KIFAP3: variants seen among roughly 807,000 people sequenced by gnomAD.
The protein encoded by KIFAP3 is kinesin-associated protein 3.
Under a neutral mutation model 106.5 loss-of-function variants are expected in KIFAP3, and 68 were observed. The ratio of observed to expected loss-of-function variants is 0.64; its 90% CI spans 0.53 to 0.78. The LOEUF is 0.78. KIFAP3 is among the 30% of genes least tolerant of loss of function. The pLI, the probability that KIFAP3 is intolerant of heterozygous loss-of-function variation, is 0.00. For missense variants in KIFAP3, 780 were observed against 941.8 expected, an observed-to-expected ratio of 0.83 and a Z score of 2.25; for synonymous variants, 320 against 311.5, an observed-to-expected ratio of 1.03 and a Z score of -0.29.
chr1:170,062,876 T>C (rs749702316), intron 1 of KIFAP3, among the ~76,000 whole-genome samples: 1 of 151,174 alleles, frequency 6.6e-6, no homozygotes, highest in Non-Finnish European at 1.5e-5. Flanking sequence ...CATTTATTTA[T>C]AGTCTTTTTT....
intron 2 of KIFAP3, among the ~76,000 whole-genome samples, chr1:170,052,672 G>T (rs1201741935): frequency 6.6e-6 from 1 of 152,290 alleles, no homozygotes. Context: ...TCCCTGGGAC[G>T]CAAGGCTGGT....
chr1:169,926,962 G>A (rs1663172745), intron 19 of KIFAP3, among the ~76,000 whole-genome samples: 1 of 152,086 alleles, frequency 6.6e-6, no homozygotes, highest in Admixed American at 6.5e-5. Flanking sequence ...TTATAAAACT[G>A]TATGAAATTA....
At chr1:169,955,795 TGTCA>T (rs1008788195) in intron 18 of KIFAP3, among the ~76,000 whole-genome samples, 1 of 152,160 alleles carries the variant, frequency 6.6e-6, no homozygotes, top group Non-Finnish European at 1.5e-5. Flanking sequence ...CTACAGAAAG[TGTCA>T]GTAATATTTA....
chr1:169,977,220 TA>T (rs1418867490), intron 16 of KIFAP3, among the ~76,000 whole-genome samples: 4 of 152,174 alleles, frequency 2.6e-5, no homozygotes, highest in African/African-American at 9.7e-5. Flanking sequence ...AGTTAGCAGA[TA>T]TCAAAATTTT....
chr1:170,071,642 C>T (rs1282698977), intron 1 of KIFAP3, among the ~76,000 whole-genome samples: 1 of 152,098 alleles, frequency 6.6e-6, no homozygotes, highest in East Asian at 1.9e-4. Context: ...CTAATCCATT[C>T]CCAAGAGAGC....
chr1:170,065,341 C>T (rs1052419599), intron 1 of KIFAP3, among the ~76,000 whole-genome samples: 83 of 152,078 alleles, frequency 5.5e-4, no homozygotes, highest in African/African-American at 1.9e-3. Context: ...TGGCCGGGCG[C>T]AGTGGCTCAC....
upstream of KIFAP3, among the ~76,000 whole-genome samples, chr1:170,076,109 T>C (rs569598971): frequency 1.7e-3 from 266 of 152,324 alleles, 2 homozygotes; most frequent in Non-Finnish European, 3.2e-3. Context: ...GTTAGCTCCT[T>C]GAGCTCAGAG....
At chr1:169,934,833 T>C (rs1396824547) in intron 19 of KIFAP3, among the ~76,000 whole-genome samples, 1 of 152,146 alleles carries the variant, frequency 6.6e-6, no homozygotes, top group Non-Finnish European at 1.5e-5. Flanking sequence ...CAATTTAAAA[T>C]AACTATGGTA....
rs1184403910 is a variant in KIFAP3 at position 169,982,851 on chromosome 1, A to C, written c.1523T>G (p.Leu508Arg). ...TTCATCATTAGAGATCTGGGCTGCA[A>C]GGTCCCCAACATAATCCTGAATAAA... is the stretch of plus-strand genomic sequence containing the variant. ...KNLFIDYVGD[L>R]AAQISNDEEE... is the part of the protein sequence containing the mutation. The change falls in exon 14 of 20, where the codon CTT becomes CGT. Residue 508 changes from leucine to arginine, a missense_variant. Around this residue, in one of 3 missense-constraint regions of KIFAP3, gnomAD observed 588 missense variants for 678.9 expected, o/e 0.87. Transcript: ENST00000361580. 6.3e-7 allele frequency: 1 copy of C among 1,585,686 alleles called. No individual in the cohort carries two copies. Among genetic ancestry groups the C allele is most frequent in the South Asian group, 1.1e-5 (1 of 87,010 alleles).
intron 10 of KIFAP3, among the ~76,000 whole-genome samples, chr1:170,008,914 T>C (rs1668104602): frequency 6.6e-6 from 1 of 152,116 alleles, no homozygotes; most frequent in Admixed American, 6.5e-5. Context: ...GTGGTGCATA[T>C]ACAACATGGA....
intron 19 of KIFAP3, among the ~76,000 whole-genome samples, chr1:169,945,288 C>A (rs1457672959): frequency 6.6e-6 from 1 of 152,182 alleles, no homozygotes; most frequent in African/African-American, 2.4e-5. Context: ...TGGAAGCAGG[C>A]ACTTCCGAAC....
chr1:170,069,420 A>G (rs753215411), intron 1 of KIFAP3, among the ~76,000 whole-genome samples: 7 of 152,126 alleles, frequency 4.6e-5, no homozygotes, highest in Non-Finnish European at 8.8e-5. Context: ...AAACCTTTAG[A>G]CCAATACCCT....
chr1:169,967,790 A>T (rs993845890), intron 17 of KIFAP3, among the ~76,000 whole-genome samples: 6 of 151,840 alleles, frequency 4.0e-5, no homozygotes, highest in African/African-American at 1.4e-4. Flanking sequence ...GCAATTCTTA[A>T]ATGAAAACCC....
At chr1:169,921,863 C>G in intron 19 of KIFAP3, 82 bp from the exon 20 acceptor site, 1 of 987,822 alleles carries the variant, frequency 1.0e-6, no homozygotes, top group East Asian at 2.6e-5. Context: ...CATTTTTATA[C>G]CACCAAGATT....
intron 16 of KIFAP3, among the ~76,000 whole-genome samples, chr1:169,974,259 A>C (rs955364601): frequency 6.6e-6 from 1 of 151,982 alleles, no homozygotes; most frequent in African/African-American, 2.4e-5. Flanking sequence ...ACCTTGCATC[A>C]ATACTATTAA....
intron 8 of KIFAP3, among the ~76,000 whole-genome samples, chr1:170,029,389 T>C (rs1401805089): frequency 2.6e-5 from 4 of 151,816 alleles, no homozygotes; most frequent in African/African-American, 9.7e-5. Flanking sequence ...AAAAAATAAC[T>C]CCCTTCTAAA....
At chr1:170,009,767 G>T (rs1417659876) in intron 10 of KIFAP3, among the ~76,000 whole-genome samples, 1 of 152,228 alleles carries the variant, frequency 6.6e-6, no homozygotes, top group Non-Finnish European at 1.5e-5. Context: ...ACCCAGGATA[G>T]TCTGACGTAA....
At position 169,961,248 on chromosome 1, in the gene KIFAP3, AAC is replaced by A; in HGVS notation, c.1984-15_1984-14del. On this transcript the variant is annotated splice_polypyrimidine_tract_variant and intron_variant, in intron 17 of 19. Transcript: ENST00000361580. ...CTTCATCATATTCCTATTGAAAACA[AAC>A]AGTCAACTGTTATTATATAAGCTAA... The A allele has an allele frequency of 1.3e-6, 2 of 1,599,968 alleles. No individual in the cohort carries two copies. Among genetic ancestry groups the A allele is most frequent in the Non-Finnish European group, 1.7e-6 (2 of 1,172,108 alleles).
At chr1:169,998,810 C>T (rs560096533) in intron 10 of KIFAP3, among the ~76,000 whole-genome samples, 4 of 152,126 alleles carry the variant, frequency 2.6e-5, no homozygotes, top group African/African-American at 7.2e-5. Flanking sequence ...GTATATAAAC[C>T]ATATGTATCT....
Sources: gnomAD v4.1 joint callset for allele counts (sites outside exome capture counted in the v4.1 genomes callset) on GRCh38, gnomAD v4.1.1 for gene constraint, gnomAD v4.1.1 regional missense constraint, MANE v1.5 for transcripts, NCBI Gene and HGNC (gene_info 2026-07-23, HGNC 2026-07-21) for gene names.